The following BACH2 variants were observed in gnomAD, a reference collection of about 807,000 sequenced individuals.
BACH2 encodes the protein BACH transcriptional regulator 2, also known as transcription regulator protein BACH2.
A neutral mutation model predicts 61.8 loss-of-function variants in BACH2; 5 were observed. That is an observed-to-expected ratio of 0.08 (90% CI 0.04 to 0.17). BACH2 has a LOEUF of 0.17. Ranked by LOEUF, BACH2 falls within the 10% of genes least tolerant of loss-of-function variation. The probability of loss-of-function intolerance (pLI) is 1.00; values close to 1 mark genes in which losing one functional copy is unlikely to be tolerated. For missense variants in BACH2, 824 were observed against 1,091.1 expected (o/e 0.76, Z 3.45); for synonymous variants, 446 against 440.1 (o/e 1.01, Z -0.17).
intron 4 of BACH2, among the ~76,000 whole-genome samples, chr6:90,093,890 T>C (rs1782275798): frequency 1.3e-5 from 2 of 152,198 alleles, no homozygotes; most frequent in Admixed American, 1.3e-4. Flanking sequence ...TGAGGAGATA[T>C]GGTAATGCTA....
chr6:90,177,243 A>C (rs1445012226), intron 4 of BACH2, among the ~76,000 whole-genome samples: 1 of 152,068 alleles, frequency 6.6e-6, no homozygotes. Flanking sequence ...ATTCACATGT[A>C]TGTCTGTCTT....
chr6:90,009,588 T>C (rs1284156210), intron 5 of BACH2, among the ~76,000 whole-genome samples: 1 of 152,258 alleles, frequency 6.6e-6, no homozygotes, highest in Non-Finnish European at 1.5e-5. Flanking sequence ...ATAGCAGTCA[T>C]GAAAAAAGAT....
chr6:90,102,162 T>C (rs773126549), intron 4 of BACH2, among the ~76,000 whole-genome samples: 8 of 152,142 alleles, frequency 5.3e-5, no homozygotes, highest in Non-Finnish European at 1.0e-4. Context: ...AAGGAGCTCA[T>C]ACTATTATTT....
intron 5 of BACH2, among the ~76,000 whole-genome samples, chr6:90,009,635 T>C (rs371691766): frequency 9.8e-5 from 15 of 152,372 alleles, no homozygotes; most frequent in African/African-American, 3.4e-4. Flanking sequence ...CAAAAGGTTC[T>C]TTGCTTTAAA....
intron 4 of BACH2, among the ~76,000 whole-genome samples, chr6:90,122,387 C>G (rs1783665513): frequency 6.6e-6 from 1 of 152,118 alleles, no homozygotes; most frequent in Non-Finnish European, 1.5e-5. Flanking sequence ...CCAGTTCGCC[C>G]TCCCTTACCA....
chr6:90,242,711 A>G (rs1218869647), intron 3 of BACH2, among the ~76,000 whole-genome samples: 2 of 152,056 alleles, frequency 1.3e-5, no homozygotes, highest in East Asian at 3.9e-4. Flanking sequence ...CTAAAAATCC[A>G]TCTACCAAAG....
intron 2 of BACH2, among the ~76,000 whole-genome samples, chr6:90,256,413 T>TG (rs1232818425): frequency 6.6e-6 from 1 of 152,170 alleles, no homozygotes; most frequent in Non-Finnish European, 1.5e-5. Context: ...CCCCCTCTCT[T>TG]GATGTGATGC....
intron 4 of BACH2, among the ~76,000 whole-genome samples, chr6:90,156,650 C>T (rs758387287): frequency 6.6e-5 from 10 of 151,942 alleles, no homozygotes; most frequent in Non-Finnish European, 1.2e-4. Context: ...TTACTTAGGG[C>T]CTTGCATTTC....
intron 5 of BACH2, among the ~76,000 whole-genome samples, chr6:90,055,157 A>G (rs1318167530): frequency 6.6e-6 from 1 of 152,230 alleles, no homozygotes; most frequent in Non-Finnish European, 1.5e-5. Context: ...AGAAGGCTTC[A>G]GATGATCAAA....
Position 89,938,316 on chromosome 6 carries a change from T to G in BACH2, c.1871A>C (p.Asp624Ala), listed in dbSNP as rs767328145. 2.5e-6 allele frequency: 4 copies of G among 1,614,074 alleles called. No homozygotes were observed. The Admixed American group carries it at 6.7e-5, about 27-fold the overall frequency. ...KLPFPVDQIT[D>A]LPRNDFQMMI... ...CATCTGGAAATCGTTCCTTGGAAGA[T>G]CTGTGATTTGATCTACAGGAAAAGG... is the stretch of plus-strand genomic sequence containing the variant. Residue 624 changes from aspartate to alanine, a missense_variant, in exon 8 of 9, where the codon GAT (aspartate) becomes GCT (alanine). Physicochemically the swap from Asp to Ala is moderately radical, Grantham distance 126. Transcript: ENST00000257749.
At chr6:90,159,473 T>C (rs1006027748) in intron 4 of BACH2, among the ~76,000 whole-genome samples, 4 of 152,088 alleles carry the variant, frequency 2.6e-5, no homozygotes, top group South Asian at 2.1e-4. Flanking sequence ...GCAGACCTCA[T>C]AGACTACACA....
intron 5 of BACH2, among the ~76,000 whole-genome samples, chr6:90,070,765 A>G (rs1396362522): frequency 1.3e-5 from 2 of 152,162 alleles, no homozygotes; most frequent in Admixed American, 1.3e-4. Flanking sequence ...CTCTTTCTCT[A>G]TAATTTCTTT....
Position 90,103,031 on chromosome 6 carries a change from T to TATATATA in BACH2, c.-161-13923_-161-13922insTATATAT, listed in dbSNP as rs59852999. Among the ~76,000 whole-genome samples the TATATATA allele has an allele frequency of 6.5e-3, 188 of 29,026 alleles. 1 individual carries two copies. Among genetic ancestry groups the TATATATA allele is most frequent in the African/African-American group, 0.027 (178 of 6,592 alleles). 19.0% of individuals were successfully genotyped at this position (29,026 alleles called of 152,430 possible). A position where few individuals can be genotyped will look rare whatever the true frequency, so the allele number is the denominator to read the frequency against. ...CATATATATATATATATATATATAT[T>TATATATA]TTTTTTTTTTTTTTTTTTTTACCAG... On this transcript the variant is annotated intron_variant, in intron 4 of 8. Coordinates refer to ENST00000257749, the MANE Select transcript of BACH2 (RefSeq NM_021813.4).
At chr6:90,009,485 A>G (rs1212082666) in intron 5 of BACH2, among the ~76,000 whole-genome samples, 1 of 152,240 alleles carries the variant, frequency 6.6e-6, no homozygotes, top group Non-Finnish European at 1.5e-5. Flanking sequence ...ATAATGCAAT[A>G]GTTGCTCAGC....
chr6:90,257,879 G>A (rs937240241), intron 2 of BACH2, among the ~76,000 whole-genome samples: 3 of 152,098 alleles, frequency 2.0e-5, no homozygotes, highest in Admixed American at 6.5e-5. Flanking sequence ...GGGTTCAAGC[G>A]ATTCTCCTGC....
chr6:90,032,056 T>C (rs2127788279), intron 5 of BACH2, among the ~76,000 whole-genome samples: 1 of 152,144 alleles, frequency 6.6e-6, no homozygotes, highest in Middle Eastern at 3.4e-3. Flanking sequence ...ATGCCGCATA[T>C]CTACAACCAT....
chr6:89,937,453 G>A (rs191893077), intron 8 of BACH2, among the ~76,000 whole-genome samples: 40 of 152,296 alleles, frequency 2.6e-4, no homozygotes, highest in Middle Eastern at 3.4e-3. Context: ...GCGTTCATGT[G>A]AGGATTAAAT....
chr6:90,056,170 G>A (rs1780336456), intron 5 of BACH2, among the ~76,000 whole-genome samples: 1 of 152,174 alleles, frequency 6.6e-6, no homozygotes, highest in Admixed American at 6.5e-5. Flanking sequence ...AAAAGACACA[G>A]ACTGGCAAAT....
intron 2 of BACH2, among the ~76,000 whole-genome samples, chr6:90,257,381 T>C (rs1488835121): frequency 6.6e-6 from 1 of 152,192 alleles, no homozygotes; most frequent in African/African-American, 2.4e-5. Context: ...CTCACCAACA[T>C]TTGTTATCTT....
Sources: gnomAD v4.1 joint callset for allele counts (sites outside exome capture counted in the v4.1 genomes callset) on GRCh38, gnomAD v4.1.1 for gene constraint, MANE v1.5 for transcripts, NCBI Gene and HGNC (gene_info 2026-07-23, HGNC 2026-07-21) for gene names.